Variants in ZNF608 observed in about 807,000 individuals in gnomAD.
ZNF608 encodes zinc finger protein 608, also known as renal carcinoma antigen NY-REN-36.
ZNF608 carries 12 observed loss-of-function variants against 109.0 expected under a neutral mutation model. The observed-to-expected ratio is 0.11, with a 90% CI of 0.07 to 0.18. ZNF608 has a LOEUF of 0.18. Among genes scored for constraint, ZNF608 ranks in the 10% least tolerant of loss-of-function variants. The probability of loss-of-function intolerance (pLI) is 1.00; values close to 1 mark genes in which losing one functional copy is unlikely to be tolerated. For missense variants in ZNF608, 1,707 were observed against 1,879.3 expected, an observed-to-expected ratio of 0.91 and a Z score of 1.70; for synonymous variants, 732 against 717.4, an observed-to-expected ratio of 1.02 and a Z score of -0.33.
intron 3 of ZNF608, among the ~76,000 whole-genome samples, chr5:124,650,950 T>C (rs1750746077): frequency 6.6e-6 from 1 of 152,222 alleles, no homozygotes; most frequent in Non-Finnish European, 1.5e-5. Context: ...AGGTAAAATA[T>C]TTCAATGGTT....
chr5:124,725,320 A>C (rs1237921759), intron 2 of ZNF608, among the ~76,000 whole-genome samples: 1 of 152,176 alleles, frequency 6.6e-6, no homozygotes, highest in Admixed American at 6.5e-5. Flanking sequence ...TATAAGCTTC[A>C]TGATAGCAGA....
chr5:124,640,070 T>C (rs1293582908), intron 8 of ZNF608, among the ~76,000 whole-genome samples: 1 of 152,176 alleles, frequency 6.6e-6, no homozygotes, highest in Non-Finnish European at 1.5e-5. Flanking sequence ...AGGAAAGCTC[T>C]CTTTTAACAC....
intron 5 of ZNF608, among the ~76,000 whole-genome samples, chr5:124,644,869 C>A (rs1458945009): frequency 6.6e-6 from 1 of 152,172 alleles, no homozygotes; most frequent in Non-Finnish European, 1.5e-5. Flanking sequence ...TATTACTGAT[C>A]CCCTGTACAG....
chr5:124,733,257 C>T (rs1311091346), intron 2 of ZNF608, among the ~76,000 whole-genome samples: 2 of 146,632 alleles, frequency 1.4e-5, no homozygotes, highest in African/African-American at 5.1e-5. Flanking sequence ...GGCGGCTACC[C>T]AACCCAAAGA....
At chr5:124,691,040 G>C (rs1478829404) in intron 3 of ZNF608, among the ~76,000 whole-genome samples, 1 of 151,630 alleles carries the variant, frequency 6.6e-6, no homozygotes, top group African/African-American at 2.4e-5. Context: ...ATAATCCCAG[G>C]AACTCAAGAG....
At chr5:124,646,565 A>T in intron 5 of ZNF608, 114 bp downstream of exon 5, 1 of 1,351,558 alleles carries the variant, frequency 7.4e-7, no homozygotes, top group African/African-American at 1.5e-5. Context: ...CAGAGGAAAA[A>T]ACTAATATGG....
In ZNF608 at chr5:124,648,236, C is replaced by T; in HGVS notation, c.2148G>A (p.Lys716=). ...IDKKNLGDKE[K]GKKATNCKTD... is the part of the protein sequence containing the mutation. Reference sequence around the variant, plus strand: ...TTTTGCAGTTGGTAGCTTTTTTGCCCTTTTCTTTATCTCCTAAATTTTTCT... The same window carrying T: ...TTTTGCAGTTGGTAGCTTTTTTGCCTTTTTCTTTATCTCCTAAATTTTTCT... Residue 716 remains lysine (K), a synonymous_variant, in exon 5 of 10, where the codon AAG becomes AAA. Transcript: ENST00000513986. 8.7e-6 allele frequency: 14 copies of T among 1,613,678 alleles called. No homozygotes were observed. The highest frequency in any genetic ancestry group is 1.2e-5 in the Non-Finnish European group (14 of 1,179,892).
chr5:124,748,445 C>G, upstream of ZNF608: 2 of 746,296 alleles, frequency 2.7e-6, no homozygotes, highest in Non-Finnish European at 3.3e-6. Context: ...TAACTAGTTC[C>G]TCATTTCTAT....
intron 2 of ZNF608, among the ~76,000 whole-genome samples, chr5:124,705,647 T>C (rs1327658575): frequency 6.6e-6 from 1 of 152,192 alleles, no homozygotes. Context: ...AATTAAAGTA[T>C]GTTAAAAATA....
intron 3 of ZNF608, among the ~76,000 whole-genome samples, chr5:124,675,250 G>A (rs2149817616): frequency 6.6e-6 from 1 of 152,308 alleles, no homozygotes; most frequent in East Asian, 1.9e-4. Flanking sequence ...TTATTAGTAA[G>A]TTTCCAGTAC....
intron 3 of ZNF608, among the ~76,000 whole-genome samples, chr5:124,676,010 A>T (rs936493680): frequency 1.3e-5 from 2 of 152,222 alleles, no homozygotes; most frequent in African/African-American, 4.8e-5. Flanking sequence ...CTGGCCACAC[A>T]AAGGCCTGCT....
At chr5:124,656,401 A>T (rs949138596) in intron 3 of ZNF608, among the ~76,000 whole-genome samples, 3 of 152,192 alleles carry the variant, frequency 2.0e-5, no homozygotes, top group Non-Finnish European at 4.4e-5. Flanking sequence ...ATATGTTGGC[A>T]TCACTCTATC....
At chr5:124,699,394 C>T (rs188319616) in intron 3 of ZNF608, among the ~76,000 whole-genome samples, 2 of 152,262 alleles carry the variant, frequency 1.3e-5, no homozygotes, top group Admixed American at 6.5e-5. Context: ...AATGTGGTTC[C>T]ACAGTATAGT....
chr5:124,647,613 T>A lies in ZNF608; in HGVS notation c.2771A>T (p.Gln924Leu). The A allele has an allele frequency of 6.2e-7, 1 of 1,614,252 alleles. No homozygotes were observed. The highest frequency in any genetic ancestry group is 8.5e-7 in the Non-Finnish European group (1 of 1,180,046). ...APMAPLHVLT[Q>L]NGAESSAAKT... ...TGCAGCTGAACTCTCTGCCCCATTC[T>A]GGGTCAACACATGCAGAGGTGCCAT... The change falls in exon 5 of 10, where the codon CAG becomes CTG. Residue 924 changes from glutamine to leucine, a missense_variant. This residue lies in a region of ZNF608 where 1,073 missense variants were observed against 1,133.5 expected (regional missense o/e 0.95). Coordinates refer to ENST00000513986, the MANE Select transcript of ZNF608 (RefSeq NM_020747.3).
Position 124,744,801 on chromosome 5 carries a change from C to T in ZNF608, c.189G>A (p.Lys63=), listed in dbSNP as rs1261831471. The part of the protein sequence containing the change: ...STTTTSSSNS[K]DCGGPASSGA... The stretch of plus-strand genomic sequence containing the variant: ...CACTGGAGGCCGGACCTCCACAATC[C>T]TTGGAGTTGCTGCTACTAGTGGTGG... The change falls in exon 2 of 10, where the codon AAG becomes AAA. Residue 63 remains lysine (K), a synonymous_variant. Coordinates refer to ENST00000513986, the MANE Select transcript of ZNF608 (RefSeq NM_020747.3). This position sits in a 1 kb window ranked among gnomAD's most constrained non-coding sequence, Gnocchi z 4.5. 2 of 1,614,228 alleles carry T rather than the reference C, an allele frequency of 1.2e-6. No homozygotes were observed. The highest frequency in any genetic ancestry group is 8.5e-7 in the Non-Finnish European group (1 of 1,180,038).
chr5:124,690,614 A>G, intron 3 of ZNF608, among the ~76,000 whole-genome samples: 1 of 152,120 alleles, frequency 6.6e-6, no homozygotes, highest in East Asian at 1.9e-4. Context: ...TTGGGAGGCC[A>G]AGGCAGGAAG....
At chr5:124,745,585 C>T (rs1178992574) in intron 1 of ZNF608, among the ~76,000 whole-genome samples, 1 of 152,118 alleles carries the variant, frequency 6.6e-6, no homozygotes, top group African/African-American at 2.4e-5. Flanking sequence ...TTTAAACATC[C>T]CTAAACATGT....
chr5:124,667,030 C>A (rs927075193), intron 3 of ZNF608, among the ~76,000 whole-genome samples: 2 of 152,032 alleles, frequency 1.3e-5, no homozygotes, highest in African/African-American at 4.8e-5. Flanking sequence ...CAGAAGGTAT[C>A]CTCTGGAGCA....
At chr5:124,667,764 T>A (rs963989697) in intron 3 of ZNF608, among the ~76,000 whole-genome samples, 2 of 152,192 alleles carry the variant, frequency 1.3e-5, no homozygotes, top group African/African-American at 4.8e-5. Flanking sequence ...TATATTATGG[T>A]ATCTCTATCG....
Sources: gnomAD v4.1 joint callset for allele counts (sites outside exome capture counted in the v4.1 genomes callset) on GRCh38, gnomAD v4.1.1 for gene constraint, gnomAD v4.1.1 regional missense constraint, Gnocchi (gnomAD v3.1) non-coding constraint, MANE v1.5 for transcripts, NCBI Gene and HGNC (gene_info 2026-07-23, HGNC 2026-07-21) for gene names.